Variants in CDC25C observed in about 807,000 individuals in gnomAD.
The protein encoded by CDC25C is cell division cycle 25C, also known as M-phase inducer phosphatase 3.
A neutral mutation model predicts 52.5 loss-of-function variants in CDC25C; 48 were observed. The observed-to-expected ratio is 0.91, with a 90% CI of 0.72 to 1.16. The LOEUF (loss-of-function observed/expected upper bound fraction) is 1.16. CDC25C is among the 50% of genes most tolerant of loss of function. CDC25C has a pLI of 0.00. For synonymous variants in CDC25C, 187 were observed against 206.5 expected, an observed-to-expected ratio of 0.91 and a Z score of 0.81; for missense variants, 510 against 566.1, an observed-to-expected ratio of 0.90 and a Z score of 1.01.
chr5:138,298,375 A>C (rs573384344), intron 7 of CDC25C, among the ~76,000 whole-genome samples: 2 of 152,188 alleles, frequency 1.3e-5, no homozygotes, highest in South Asian at 4.1e-4. Context: ...ACACCTAGAG[A>C]ACACTCTACC....
rs373425900 is a variant in CDC25C at position 138,338,298 on chromosome 5, A to G, written c.-330T>C. ...CTCCGGCCGCGGCCCTGGGAGCTGG[A>G]GGAACCGCGGTAGGTGGTGGAGGGC... On this transcript the variant is annotated 5_prime_UTR_variant, in exon 1 of 6. Transcript: ENST00000510119. The G allele has an allele frequency of 1.2e-3, 799 of 658,742 alleles. 1 individual carries two copies. In the African/African-American group the frequency reaches 0.014, roughly 11 times the overall value. The allele number at this position is 658,742 out of a possible 1,614,324, so 40.8% of individuals were successfully genotyped here.
chr5:138,319,098 C>A, intron 7 of CDC25C, 121 bp downstream of exon 7: 1 of 808,530 alleles, frequency 1.2e-6, no homozygotes, highest in African/African-American at 1.7e-5. Context: ...ATGAGGGTTG[C>A]TGGATTCACT....
intron 7 of CDC25C, among the ~76,000 whole-genome samples, chr5:138,296,862 C>G (rs1462916526): frequency 1.1e-4 from 16 of 145,546 alleles, no homozygotes; most frequent in South Asian, 4.4e-4. Flanking sequence ...GCCTCGGCCT[C>G]CCAAAGTGCT....
At chr5:138,332,806 C>T (rs963753035), upstream of CDC25C, among the ~76,000 whole-genome samples, 1 of 152,142 alleles carries the variant, frequency 6.6e-6, no homozygotes, top group African/African-American at 2.4e-5. Flanking sequence ...ACAGAGGTTG[C>T]GCCACTGCAC....
At chr5:138,315,349 G>C (rs1758797429) in intron 7 of CDC25C, among the ~76,000 whole-genome samples, 2 of 152,088 alleles carry the variant, frequency 1.3e-5, no homozygotes, top group South Asian at 4.2e-4. Flanking sequence ...GGAAAAGCAT[G>C]GTATATATAG....
chr5:138,327,962 G>A (rs1211803614), intron 4 of CDC25C, among the ~76,000 whole-genome samples: 1 of 152,084 alleles, frequency 6.6e-6, no homozygotes, highest in African/African-American at 2.4e-5. Context: ...CGCCTCCTGG[G>A]CTCAAGTAAT....
rs1760076501 is a variant in CDC25C, at chr5:138,328,527, G to A, written c.292C>T (p.His98Tyr). ...TTSADLDETG[H>Y]LDSSGLQEVH... is the part of the protein sequence containing the mutation. ...TCCTGAAGTCCTGAAGAATCCAGGT[G>A]ACCTGCAATCAAATATAAAGAATCA... is the stretch of plus-strand genomic sequence containing the variant. Residue 98 changes from histidine (H) to tyrosine (Y), a missense_variant and splice_region_variant, in exon 4 of 14, where the codon CAC becomes TAC. Coordinates refer to ENST00000323760, the MANE Select transcript of CDC25C (RefSeq NM_001790.5). 1.2e-6 allele frequency: 2 copies of A among 1,612,380 alleles called. No individual in the cohort carries two copies. The highest frequency in any genetic ancestry group is 1.3e-5 in the African/African-American group (1 of 74,902).
chr5:138,290,273 G>A (rs1756595443), intron 9 of CDC25C, among the ~76,000 whole-genome samples: 1 of 151,808 alleles, frequency 6.6e-6, no homozygotes, highest in Non-Finnish European at 1.5e-5. Context: ...TACACAGACA[G>A]TAGGGGGGAA....
At chr5:138,293,183 A>G (rs1053386221) in intron 7 of CDC25C, among the ~76,000 whole-genome samples, 1 of 152,180 alleles carries the variant, frequency 6.6e-6, no homozygotes, top group Non-Finnish European at 1.5e-5. Context: ...CCTTCCAAAC[A>G]TCGCCCTATG....
chr5:138,327,156 G>T (rs914408632), intron 4 of CDC25C, among the ~76,000 whole-genome samples: 5 of 151,366 alleles, frequency 3.3e-5, no homozygotes, highest in Non-Finnish European at 1.5e-5. Context: ...TCAGGAGTCC[G>T]AGGCAGGAGA....
chr5:138,300,975 C>T (rs906372405), intron 7 of CDC25C, among the ~76,000 whole-genome samples: 3 of 152,018 alleles, frequency 2.0e-5, no homozygotes, highest in Non-Finnish European at 4.4e-5. Flanking sequence ...ACTGAAAATG[C>T]AACATATCAA....
chr5:138,290,462 TAAGA>T (rs201492070), intron 9 of CDC25C, among the ~76,000 whole-genome samples, 173 bp downstream of exon 9: 1,621 of 152,316 alleles, frequency 0.011, 14 homozygotes, highest in Middle Eastern at 0.017. Flanking sequence ...CCCAGAAGAA[TAAGA>T]AATACTTTCT....
At chr5:138,327,302 T>C (rs1025727377) in intron 4 of CDC25C, among the ~76,000 whole-genome samples, 11 of 147,008 alleles carry the variant, frequency 7.5e-5, no homozygotes, top group African/African-American at 2.5e-4. Flanking sequence ...GATTTCATTA[T>C]CTATCTGGGT....
intron 1 of CDC25C, chr5:138,337,775 C>T (rs1479086076): frequency 1.0e-5 from 4 of 381,016 alleles, no homozygotes; most frequent in Non-Finnish European, 1.9e-5. Flanking sequence ...GCAGCCTTCA[C>T]GCCGCGGACG....
intron 4 of CDC25C, 98 bp downstream of exon 4, chr5:138,328,386 T>C: frequency 9.3e-7 from 1 of 1,077,142 alleles, no homozygotes. Flanking sequence ...ATACCCAGTA[T>C]GAAAGGTTTT....
rs2126631542 is a variant in CDC25C at position 138,285,544 on chromosome 5, C to T, written c.*148G>A. 2.6e-6 allele frequency: 2 copies of T among 761,138 alleles called. No individual in the cohort carries two copies. Among genetic ancestry groups the T allele is most frequent in the African/African-American group, 1.7e-5 (1 of 57,534 alleles). The allele number at this position is 761,138 out of a possible 1,614,324, so 47.1% of individuals were successfully genotyped here. On this transcript the variant is annotated 3_prime_UTR_variant, in exon 14 of 14. Coordinates refer to ENST00000323760, the MANE Select transcript of CDC25C (RefSeq NM_001790.5). The stretch of plus-strand genomic sequence containing the variant: ...CAGCTCTGCTGAAACCTAATCCATT[C>T]CCAGGCCTGGATACAAGTTGGTAGC...
chr5:138,323,269 T>C (rs1759580927), intron 6 of CDC25C, among the ~76,000 whole-genome samples: 1 of 151,786 alleles, frequency 6.6e-6, no homozygotes, highest in South Asian at 2.1e-4. Context: ...TATTTTACCA[T>C]GTATGTATGT....
intron 7 of CDC25C, among the ~76,000 whole-genome samples, chr5:138,315,338 G>A (rs181754637): frequency 6.6e-6 from 1 of 152,258 alleles, no homozygotes; most frequent in Non-Finnish European, 1.5e-5. Context: ...CATATGCATA[G>A]GGAAAAGCAT....
chr5:138,292,990 A>G (rs899067845), intron 7 of CDC25C, among the ~76,000 whole-genome samples: 4 of 152,224 alleles, frequency 2.6e-5, no homozygotes, highest in African/African-American at 9.6e-5. Context: ...GGGCTATACA[A>G]TAAGAGAGCC....
Sources: gnomAD v4.1 joint callset for allele counts (sites outside exome capture counted in the v4.1 genomes callset) on GRCh38, gnomAD v4.1.1 for gene constraint, MANE v1.5 for transcripts, NCBI Gene and HGNC (gene_info 2026-07-23, HGNC 2026-07-21) for gene names.